The following LRRC7 variants were observed in gnomAD, a reference collection of about 807,000 sequenced individuals.
LRRC7 encodes leucine rich repeat containing 7, also known as leucine-rich repeat-containing protein 7.
A neutral mutation model predicts 175.7 loss-of-function variants in LRRC7; 23 were observed. The ratio of observed to expected loss-of-function variants is 0.13; its 90% CI spans 0.09 to 0.19. The LOEUF is 0.19. Ranked by LOEUF, LRRC7 falls within the 10% of genes least tolerant of loss-of-function variation. The probability of loss-of-function intolerance (pLI) is 1.00; values close to 1 mark genes in which losing one functional copy is unlikely to be tolerated. For synonymous variants in LRRC7, 685 were observed against 680.9 expected (o/e 1.01, Z -0.09); for missense variants, 1,354 against 1,904.7 (o/e 0.71, Z 5.38).
rs368784904 is a variant in LRRC7, at chr1:69,686,056, G to A, written c.100+7578G>A. 2.1e-4 allele frequency among the ~76,000 whole-genome samples: 32 copies of A among 152,228 alleles called. No individual in the cohort carries two copies. In the South Asian group the frequency reaches 6.4e-3, roughly 31 times the overall value. On this transcript the variant is annotated intron_variant, in intron 2 of 26. Transcript: ENST00000651989. Reference sequence around the variant, plus strand: ...TAAAGAAGCATCAATTAAAATGACAGTATATTTTCATCTGAAACCACAGAG... The same window carrying A: ...TAAAGAAGCATCAATTAAAATGACAATATATTTTCATCTGAAACCACAGAG...
At chr1:69,679,061 T>C (rs776316447) in intron 2 of LRRC7, among the ~76,000 whole-genome samples, 2 of 152,136 alleles carry the variant, frequency 1.3e-5, no homozygotes, top group African/African-American at 4.8e-5. Context: ...CTCAAATTAT[T>C]AAATACTAGA....
rs1045624867 is a variant in LRRC7, at chr1:70,143,020, A to G, written c.*21133A>G. The G allele has an allele frequency of 6.6e-6, 1 of 152,118 alleles. No homozygotes were observed. Among genetic ancestry groups the G allele is most frequent in the Non-Finnish European group, 1.5e-5 (1 of 68,004 alleles). The allele number at this position is 152,118 out of a possible 1,614,324, so 9.4% of individuals were successfully genotyped here. ...TACTCTATAAAGAAGTTCTACTTCT[A>G]CCTATATGAATTTGTATTTTCCCAT... On this transcript the variant is annotated 3_prime_UTR_variant, in exon 27 of 27. Coordinates refer to ENST00000651989, the MANE Select transcript of LRRC7 (RefSeq NM_001370785.2).
At chr1:69,604,036 C>CT (rs565759323) in intron 1 of LRRC7, among the ~76,000 whole-genome samples, 84 of 151,762 alleles carry the variant, frequency 5.5e-4, no homozygotes, top group South Asian at 4.0e-3. Flanking sequence ...TATAAAATTG[C>CT]TTTTTTTTAC....
intron 3 of LRRC7, among the ~76,000 whole-genome samples, chr1:69,785,307 T>G (rs1443292749): frequency 6.6e-6 from 1 of 152,130 alleles, no homozygotes; most frequent in Non-Finnish European, 1.5e-5. Flanking sequence ...TCTCTAGTAA[T>G]GTATTTTGCC....
intron 8 of LRRC7, among the ~76,000 whole-genome samples, chr1:69,977,549 G>A (rs1248580500): frequency 1.3e-5 from 2 of 152,144 alleles, no homozygotes; most frequent in African/African-American, 4.8e-5. Context: ...CTGTCACTGT[G>A]TGGCAGTGAC....
chr1:69,625,870 T>C (rs1651431842), intron 1 of LRRC7, among the ~76,000 whole-genome samples: 1 of 152,164 alleles, frequency 6.6e-6, no homozygotes, highest in African/African-American at 2.4e-5. Context: ...TTGAAGAAAC[T>C]CGTATGTTCC....
intron 4 of LRRC7, among the ~76,000 whole-genome samples, chr1:69,800,712 G>C (rs183438109): frequency 6.6e-6 from 1 of 151,768 alleles, no homozygotes; most frequent in African/African-American, 2.4e-5. Context: ...CCCTTTTCCA[G>C]CTTGAATGCT....
chr1:69,743,341 T>G (rs1668914099), intron 2 of LRRC7, among the ~76,000 whole-genome samples: 1 of 152,018 alleles, frequency 6.6e-6, no homozygotes. Flanking sequence ...ACATTTGAAC[T>G]GTCTTAAAGA....
rs369901601 is a variant in LRRC7 at position 70,133,960 on chromosome 1, G to A, written c.*12073G>A. 1.2e-4 allele frequency among the ~76,000 whole-genome samples: 19 copies of A among 152,124 alleles called. No individual in the cohort carries two copies. The highest frequency in any genetic ancestry group is 7.7e-4 in the East Asian group (4 of 5,190). Reference sequence around the variant, plus strand: ...CAAAACTTAAACATCAGGAACTGTGGTTAAGTTTGCCTAGCCTTCTTTATG... The same window carrying A: ...CAAAACTTAAACATCAGGAACTGTGATTAAGTTTGCCTAGCCTTCTTTATG... On this transcript the variant is annotated 3_prime_UTR_variant, in exon 27 of 27. Coordinates refer to ENST00000651989, the MANE Select transcript of LRRC7 (RefSeq NM_001370785.2).
At chr1:70,042,604 G>A (rs1239572730) in intron 21 of LRRC7, among the ~76,000 whole-genome samples, 1 of 152,174 alleles carries the variant, frequency 6.6e-6, no homozygotes, top group Non-Finnish European at 1.5e-5. Context: ...TGCTTTCACT[G>A]CAGAGCCACA....
intron 7 of LRRC7, among the ~76,000 whole-genome samples, chr1:69,930,343 A>C (rs1433451703): frequency 6.6e-6 from 1 of 152,152 alleles, no homozygotes; most frequent in Admixed American, 6.6e-5. Context: ...GTAATATTTC[A>C]TTTAAGGTTC....
intron 5 of LRRC7, among the ~76,000 whole-genome samples, chr1:69,828,900 C>T (rs2101275054): frequency 6.6e-6 from 1 of 151,802 alleles, no homozygotes; most frequent in South Asian, 2.1e-4. Context: ...ATGTTTTCAT[C>T]AAACTTCTAG....
intron 17 of LRRC7, among the ~76,000 whole-genome samples, chr1:70,025,926 C>T (rs1037396159): frequency 7.9e-5 from 12 of 151,746 alleles, no homozygotes; most frequent in Non-Finnish European, 1.3e-4. Context: ...GTAGCTTAAG[C>T]TTCATTAATG....
rs549416007 is a variant in LRRC7, at chr1:70,063,796, A to G, written c.4230+10651A>G. On this transcript the variant is annotated intron_variant, in intron 23 of 26. Coordinates refer to ENST00000651989, the MANE Select transcript of LRRC7 (RefSeq NM_001370785.2). ...GTGTAGACTCATCCTCAGTTTCATC[A>G]TTCTGCTATTAAGGATACTCCATCG... 1.2e-4 allele frequency among the ~76,000 whole-genome samples: 18 copies of G among 152,072 alleles called. No homozygotes were observed. In the South Asian group the frequency reaches 3.7e-3, roughly 32 times the overall value.
At position 70,123,570 on chromosome 1, in the gene LRRC7, A is replaced by T. The variant is rs1293130248; in HGVS notation, c.*1683A>T. On this transcript the variant is annotated 3_prime_UTR_variant, in exon 27 of 27. Coordinates refer to ENST00000651989, the MANE Select transcript of LRRC7 (RefSeq NM_001370785.2). ...CTTTATAGATGATGCACTAATTTTG[A>T]TGTTGCTTTATGTCAGGGTGACATT... is the stretch of plus-strand genomic sequence containing the variant. The T allele has an allele frequency of 6.6e-6, 1 of 152,192 alleles. No homozygotes were observed. Among genetic ancestry groups the T allele is most frequent in the Non-Finnish European group, 1.5e-5 (1 of 68,014 alleles). The allele number at this position is 152,192 out of a possible 1,614,324, so 9.4% of individuals were successfully genotyped here. A position where few individuals can be genotyped will look rare whatever the true frequency, so the allele number is the denominator to read the frequency against.
intron 7 of LRRC7, among the ~76,000 whole-genome samples, chr1:69,871,853 G>A (rs562268603): frequency 3.2e-4 from 48 of 151,998 alleles, no homozygotes; most frequent in Middle Eastern, 3.4e-3. Flanking sequence ...ATCTATGTAT[G>A]TTCCCAGTGT....
chr1:69,629,358 A>C (rs1652117230), intron 1 of LRRC7, among the ~76,000 whole-genome samples: 1 of 152,168 alleles, frequency 6.6e-6, no homozygotes, highest in African/African-American at 2.4e-5. Flanking sequence ...TGAAACTATA[A>C]ATAAGAATAC....
At chr1:69,675,439 T>C (rs1251417480) in intron 1 of LRRC7, among the ~76,000 whole-genome samples, 1 of 152,180 alleles carries the variant, frequency 6.6e-6, no homozygotes, top group Non-Finnish European at 1.5e-5. Flanking sequence ...GTAGTTTTCA[T>C]GTATTCCCCA....
intron 1 of LRRC7, among the ~76,000 whole-genome samples, chr1:69,638,459 G>T (rs990618153): frequency 6.6e-6 from 1 of 151,640 alleles, no homozygotes; most frequent in African/African-American, 2.4e-5. Context: ...TTTTTAATGA[G>T]ACAGAACAGT....
Sources: gnomAD v4.1 joint callset for allele counts (sites outside exome capture counted in the v4.1 genomes callset) on GRCh38, gnomAD v4.1.1 for gene constraint, MANE v1.5 for transcripts, NCBI Gene and HGNC (gene_info 2026-07-23, HGNC 2026-07-21) for gene names.